Variants in WDR27 observed in about 807,000 individuals in gnomAD.
WDR27 encodes WD repeat domain 27.
A neutral mutation model predicts 114.4 loss-of-function variants in WDR27; 100 were observed. The ratio of observed to expected loss-of-function variants is 0.87; its 90% CI spans 0.74 to 1.03. The LOEUF is 1.03. Among genes scored for constraint, WDR27 ranks in the 50% least tolerant of loss-of-function variants. The probability of loss-of-function intolerance (pLI) is 0.00; values close to 1 mark genes in which losing one functional copy is unlikely to be tolerated. For missense variants in WDR27, 1,129 were observed against 1,092.9 expected (o/e 1.03, Z -0.47); for synonymous variants, 449 against 423.1 (o/e 1.06, Z -0.75).
At chr6:169,646,115 C>T (rs1820684327) in intron 16 of WDR27, among the ~76,000 whole-genome samples, 1 of 152,256 alleles carries the variant, frequency 6.6e-6, no homozygotes, top group South Asian at 2.1e-4. Flanking sequence ...GGTTCTAAAA[C>T]ACAAACACTA....
At chr6:169,573,104 C>T (rs781373311) in intron 24 of WDR27, among the ~76,000 whole-genome samples, 2 of 152,082 alleles carry the variant, frequency 1.3e-5, no homozygotes, top group African/African-American at 4.8e-5. Flanking sequence ...CCGAGCCTCC[C>T]GGGGTGCACC....
At chr6:169,553,295 C>A (rs984532676) in intron 25 of WDR27, among the ~76,000 whole-genome samples, 15 of 152,054 alleles carry the variant, frequency 9.9e-5, no homozygotes, top group Non-Finnish European at 2.1e-4. Context: ...CGTCTCCCTG[C>A]CCATCCGCAA....
intron 21 of WDR27, among the ~76,000 whole-genome samples, chr6:169,616,034 C>T (rs1413259478): frequency 6.8e-6 from 1 of 148,114 alleles, no homozygotes; most frequent in Non-Finnish European, 1.5e-5. Context: ...TATATAAGCA[C>T]TAGAAAAAAA....
Position 169,665,501 on chromosome 6 carries a change from C to A in WDR27, c.768G>T (p.Gly256=). 2 of 1,613,748 alleles carry A rather than the reference C, an allele frequency of 1.2e-6. No homozygotes were observed. The highest frequency in any genetic ancestry group is 1.7e-6 in the Non-Finnish European group (2 of 1,179,724). ...IDAESRQLVT[G]CADGQLWIFS... is the part of the protein sequence containing the mutation. ...GCTGTCTCACCTGGCCGTCAGCACACCCGGTGACCAGCTGCCTGCTTTCTG... is the reference window on the plus strand; with the variant it reads ...GCTGTCTCACCTGGCCGTCAGCACAACCGGTGACCAGCTGCCTGCTTTCTG... Residue 256 remains glycine (G), a synonymous_variant, in exon 7 of 26, where the codon GGG becomes GGT. Coordinates refer to ENST00000448612, the MANE Select transcript of WDR27 (RefSeq NM_182552.5).
chr6:169,479,759 C>G (rs1787698840), intron 25 of WDR27, among the ~76,000 whole-genome samples: 1 of 152,222 alleles, frequency 6.6e-6, no homozygotes, highest in South Asian at 2.1e-4. Flanking sequence ...AGGTTTGTTA[C>G]ATAGGTTAAC....
At chr6:169,614,255 A>C (rs767878618) in intron 21 of WDR27, among the ~76,000 whole-genome samples, 3 of 152,250 alleles carry the variant, frequency 2.0e-5, no homozygotes, top group Non-Finnish European at 4.4e-5. Flanking sequence ...GTGATAAATA[A>C]TGATTTCCAT....
rs1278854662 is a variant in WDR27 at position 169,649,209 on chromosome 6, G to T, written c.1548C>A (p.Ser516Arg). Residue 516 changes from serine (S) to arginine (R), a missense_variant, in exon 15 of 26, where the codon AGC becomes AGA. Physicochemically the swap from Ser to Arg is moderately radical, Grantham distance 110 (BLOSUM62 -1). Transcript: ENST00000448612. ...SEGKGSSRSR[S>R]SCAREAYPVE... The stretch of plus-strand genomic sequence containing the variant: ...GCTACATCACACACCGTGCGCAGCT[G>T]CTCCTGCTCCTTGAAGATCCTTTCC... 6.4e-7 allele frequency: 1 copy of T among 1,573,602 alleles called. No individual in the cohort carries two copies. The highest frequency in any genetic ancestry group is 8.6e-7 in the Non-Finnish European group (1 of 1,158,638).
intron 17 of WDR27, among the ~76,000 whole-genome samples, chr6:169,640,776 T>C (rs994558191): frequency 5.3e-5 from 8 of 152,084 alleles, no homozygotes; most frequent in African/African-American, 1.9e-4. Flanking sequence ...ACCAGCCATG[T>C]GGCGCACTGT....
At chr6:169,464,465 AG>A (rs1369224146) in intron 25 of WDR27, among the ~76,000 whole-genome samples, 1 of 152,218 alleles carries the variant, frequency 6.6e-6, no homozygotes, top group East Asian at 1.9e-4. Context: ...TTCCAGAATT[AG>A]GGTTGGCAAT....
intron 25 of WDR27, among the ~76,000 whole-genome samples, chr6:169,480,111 C>T (rs1378141272): frequency 6.6e-6 from 1 of 152,190 alleles, no homozygotes; most frequent in East Asian, 1.9e-4. Context: ...GATGCGGGCT[C>T]AGCGGGTCCC....
chr6:169,474,129 G>A (rs550949468), intron 25 of WDR27, among the ~76,000 whole-genome samples: 2 of 152,328 alleles, frequency 1.3e-5, no homozygotes, highest in East Asian at 1.9e-4. Flanking sequence ...CCTTATGCAA[G>A]TTTTCAGTTT....
intron 2 of WDR27, among the ~76,000 whole-genome samples, chr6:169,678,634 T>C (rs1247203388): frequency 6.6e-6 from 1 of 152,144 alleles, no homozygotes; most frequent in Admixed American, 6.5e-5. Context: ...CCAAATTCCT[T>C]TCTAAGGGGT....
intron 25 of WDR27, among the ~76,000 whole-genome samples, chr6:169,546,602 T>C (rs1797486239): frequency 6.6e-6 from 1 of 152,134 alleles, no homozygotes; most frequent in African/African-American, 2.4e-5. Flanking sequence ...CCGTCTCTTC[T>C]CCAGTTTCCA....
intron 18 of WDR27, among the ~76,000 whole-genome samples, chr6:169,637,220 A>T (rs1249371788): frequency 6.6e-6 from 1 of 152,156 alleles, no homozygotes; most frequent in Non-Finnish European, 1.5e-5. Context: ...ATCTCCCGTA[A>T]GTTCATCAAA....
intron 8 of WDR27, 89 bp from the exon 9 acceptor site, chr6:169,662,513 C>T: frequency 1.3e-6 from 2 of 1,520,222 alleles, no homozygotes; most frequent in East Asian, 4.7e-5. Context: ...AGAGATGCTG[C>T]AGTGAATGTG....
At chr6:169,431,250 A>G in the WDR27 span, among the ~76,000 whole-genome samples, 69,987 of 152,068 alleles carry the variant, frequency 0.46, 17,767 homozygotes, top group Non-Finnish European at 0.58. Context: ...CCCAGTCTGT[A>G]TGTGTGTCCT....
chr6:169,553,122 C>T (rs1157411886), intron 25 of WDR27, among the ~76,000 whole-genome samples: 1 of 129,732 alleles, frequency 7.7e-6, no homozygotes, highest in Non-Finnish European at 1.6e-5. Flanking sequence ...AGGGCCTGGG[C>T]GGGGACGCCA....
chr6:169,462,490 GAGAAAGAA>G (rs368800707), intron 25 of WDR27, among the ~76,000 whole-genome samples: 9 of 149,850 alleles, frequency 6.0e-5, no homozygotes, highest in Non-Finnish European at 8.8e-5. Flanking sequence ...GAGAGAGAGA[GAGAAAGAA>G]AGAAAGAAAG....
At chr6:169,614,314 A>C (rs1811298253) in intron 21 of WDR27, among the ~76,000 whole-genome samples, 1 of 152,228 alleles carries the variant, frequency 6.6e-6, no homozygotes, top group African/African-American at 2.4e-5. Context: ...AATTTCATGA[A>C]GGATAGATGT....
Sources: gnomAD v4.1 joint callset for allele counts (sites outside exome capture counted in the v4.1 genomes callset) on GRCh38, gnomAD v4.1.1 for gene constraint, MANE v1.5 for transcripts, NCBI Gene and HGNC (gene_info 2026-07-23, HGNC 2026-07-21) for gene names.